SHTN1: variants seen among roughly 807,000 people sequenced by gnomAD.
The protein encoded by SHTN1 is shootin-1.
In SHTN1, 42 loss-of-function variants were observed where a neutral mutation model predicts 83.1. The observed-to-expected ratio is 0.51, with a 90% CI of 0.39 to 0.65. SHTN1 has a LOEUF of 0.65. Ranked by LOEUF, SHTN1 falls within the 30% of genes least tolerant of loss-of-function variation. The pLI, the probability that SHTN1 is intolerant of heterozygous loss-of-function variation, is 0.00. For missense variants in SHTN1, 622 were observed against 737.8 expected, an observed-to-expected ratio of 0.84 and a Z score of 1.82; for synonymous variants, 224 against 247.7, an observed-to-expected ratio of 0.90 and a Z score of 0.90.
intron 11 of SHTN1, among the ~76,000 whole-genome samples, chr10:116,925,799 A>T (rs1477136011): frequency 6.6e-6 from 1 of 152,150 alleles, no homozygotes; most frequent in Non-Finnish European, 1.5e-5. Context: ...GAGTGGGAAG[A>T]GAAGGGAAAA....
intron 12 of SHTN1, among the ~76,000 whole-genome samples, chr10:116,920,054 C>T (rs1337224681): frequency 6.6e-6 from 1 of 152,194 alleles, no homozygotes; most frequent in Non-Finnish European, 1.5e-5. Context: ...TCAAACACCA[C>T]AGCCAGAGTA....
At chr10:117,083,102 C>T (rs1013743029) in intron 1 of SHTN1, among the ~76,000 whole-genome samples, 1 of 150,298 alleles carries the variant, frequency 6.7e-6, no homozygotes, top group Non-Finnish European at 1.5e-5. Context: ...TTATTTTGCT[C>T]GTTAGTTGAT....
chr10:116,930,012 AT>A lies in SHTN1; in HGVS notation c.859-11del. On this transcript the variant is annotated splice_polypyrimidine_tract_variant and intron_variant, in intron 9 of 16. Transcript: ENST00000355371. ...CTTCTAATTCTTTGACCTATAAGTT[AT>A]TTAAAAAAAAAAGACTTTTATGGCT... 2 of 1,508,556 alleles carry A rather than the reference AT, an allele frequency of 1.3e-6. No homozygotes were observed. The highest frequency in any genetic ancestry group is 1.8e-6 in the Non-Finnish European group (2 of 1,128,336). The allele number at this position is 1,508,556 out of a possible 1,614,324, so 93.4% of individuals were successfully genotyped here. A position where few individuals can be genotyped will look rare whatever the true frequency, so the allele number is the denominator to read the frequency against.
chr10:116,941,546 G>C (rs770105165), intron 8 of SHTN1, among the ~76,000 whole-genome samples: 6 of 152,182 alleles, frequency 3.9e-5, no homozygotes, highest in Non-Finnish European at 8.8e-5. Flanking sequence ...TTTTATAATA[G>C]AGCTTCACCT....
At chr10:116,942,998 T>C (rs1849440408) in intron 8 of SHTN1, among the ~76,000 whole-genome samples, 1 of 152,246 alleles carries the variant, frequency 6.6e-6, no homozygotes, top group South Asian at 2.1e-4. Context: ...AATATACTAG[T>C]TCCAACGTGG....
At chr10:117,095,692 T>C (rs1853494105) in intron 1 of SHTN1, among the ~76,000 whole-genome samples, 1 of 152,236 alleles carries the variant, frequency 6.6e-6, no homozygotes, top group African/African-American at 2.4e-5. Context: ...TTCATTTTTT[T>C]CCTTACATTT....
rs1589768589 is a variant in SHTN1, at chr10:116,881,627, A to G, written c.*4717T>C. 6.5e-7 allele frequency: 1 copy of G among 1,549,592 alleles called. No individual in the cohort carries two copies. Among genetic ancestry groups the G allele is most frequent in the Non-Finnish European group, 8.7e-7 (1 of 1,146,532 alleles). Reference sequence around the variant, plus strand: ...CGCTGGTGCCCACCTTCCCCACACAAGGTGTAGAGGAATCAGCCGAAACAG... The same window carrying G: ...CGCTGGTGCCCACCTTCCCCACACAGGGTGTAGAGGAATCAGCCGAAACAG... On this transcript the variant is annotated 3_prime_UTR_variant, in exon 17 of 17. Coordinates refer to ENST00000355371, the MANE Select transcript of SHTN1 (RefSeq NM_001127211.3).
At chr10:117,061,151 C>CT (rs1261265582) in intron 1 of SHTN1, among the ~76,000 whole-genome samples, 2,521 of 101,074 alleles carry the variant, frequency 0.025, 73 homozygotes, top group African/African-American at 0.081. Flanking sequence ...TTTTTTTTTT[C>CT]TTTTTTTTTT....
intron 2 of SHTN1, among the ~76,000 whole-genome samples, chr10:117,012,301 AATAG>A (rs963186415): frequency 7.2e-5 from 11 of 152,134 alleles, no homozygotes; most frequent in Admixed American, 7.2e-4. Context: ...CAAAAACTAG[AATAG>A]CCAAAACAAT....
rs772929190 is a variant in SHTN1, at chr10:116,948,974, C to A, written c.558G>T (p.Lys186Asn). 1.6e-5 allele frequency: 25 copies of A among 1,565,566 alleles called. No homozygotes were observed. The highest frequency in any genetic ancestry group is 2.2e-5 in the Non-Finnish European group (25 of 1,156,554). ...IEEVNKVKQEKTVLNSEVLEQ... is the reference protein window; with the variant it reads ...IEEVNKVKQENTVLNSEVLEQ... ...CAAGAACTTCTGAATTTAAAACAGT[C>A]TTTTCTTGTTTAACTTTATTTACCT... Residue 186 changes from lysine to asparagine, a missense_variant, in exon 7 of 17, where the codon AAG becomes AAT. By Grantham distance (94) the Lys-to-Asn change is moderately conservative (BLOSUM62 0). Coordinates refer to ENST00000355371, the MANE Select transcript of SHTN1 (RefSeq NM_001127211.3).
intron 2 of SHTN1, among the ~76,000 whole-genome samples, chr10:117,045,279 AGT>A (rs1852645107): frequency 6.6e-6 from 1 of 152,198 alleles, no homozygotes; most frequent in Non-Finnish European, 1.5e-5. Flanking sequence ...AATAAGCAAA[AGT>A]GTGCAACAAT....
intron 2 of SHTN1, among the ~76,000 whole-genome samples, chr10:117,029,995 TCTC>T (rs1234294688): frequency 6.6e-6 from 1 of 151,628 alleles, no homozygotes; most frequent in Non-Finnish European, 1.5e-5. Flanking sequence ...TTCAAGCTAT[TCTC>T]CTGTCTCAGC....
intron 16 of SHTN1, among the ~76,000 whole-genome samples, chr10:116,897,107 T>C (rs1331960254): frequency 1.3e-5 from 2 of 152,162 alleles, no homozygotes; most frequent in African/African-American, 4.8e-5. Flanking sequence ...TAAGCCACCA[T>C]GCCTGGCCTG....
intron 2 of SHTN1, among the ~76,000 whole-genome samples, chr10:117,020,324 TAATAAAA>T (rs1404540188): frequency 2.0e-5 from 3 of 149,734 alleles, no homozygotes; most frequent in Admixed American, 1.3e-4. Context: ...ACCCTGTCTC[TAATAAAA>T]ATTAAAAAAA....
At position 117,053,024 on chromosome 10, in the gene SHTN1, A is replaced by AAAAAAAAAAAAAAAAAAAAAAAAAAAG. The variant is rs1554934278; in HGVS notation, c.-188-4515_-188-4514insCTTTTTTTTTTTTTTTTTTTTTTTTTT. On this transcript the variant is annotated intron_variant, in intron 1 of 17. Transcript: ENST00000392901. ...AACAGAGCAAGACTGTGTCTCAAAA[A>AAAAAAAAAAAAAAAAAAAAAAAAAAAG]AAAAAAGAATTAAGAATTAAGTTGG... 4.7e-3 allele frequency among the ~76,000 whole-genome samples: 243 copies of AAAAAAAAAAAAAAAAAAAAAAAAAAAG among 51,336 alleles called. 77 individuals carry two copies. The highest frequency in any genetic ancestry group is 0.015 in the South Asian group (11 of 722). The allele number at this position is 51,336 out of a possible 152,430, so 33.7% of individuals were successfully genotyped here.
chr10:116,982,185 C>T (rs1851046582), intron 1 of SHTN1, among the ~76,000 whole-genome samples: 1 of 152,190 alleles, frequency 6.6e-6, no homozygotes, highest in African/African-American at 2.4e-5. Flanking sequence ...TTCCATTATA[C>T]TGACAATAGA....
intron 1 of SHTN1, among the ~76,000 whole-genome samples, chr10:117,099,279 T>C (rs975663762): frequency 6.6e-6 from 1 of 152,030 alleles, no homozygotes; most frequent in South Asian, 2.1e-4. Flanking sequence ...TTGGGTACAG[T>C]GTACACTGCT....
At chr10:117,001,553 C>T (rs947602208) in intron 1 of SHTN1, among the ~76,000 whole-genome samples, 1 of 152,108 alleles carries the variant, frequency 6.6e-6, no homozygotes, top group African/African-American at 2.4e-5. Flanking sequence ...GAACACTCTC[C>T]TGGGGAACTG....
chr10:117,002,115 G>A (rs1244042520), intron 1 of SHTN1, among the ~76,000 whole-genome samples: 1 of 152,208 alleles, frequency 6.6e-6, no homozygotes, highest in Non-Finnish European at 1.5e-5. Context: ...AAGGATATCT[G>A]AACTGGTATA....
Sources: allele counts gnomAD v4.1 joint callset (sites outside exome capture counted in the v4.1 genomes callset), GRCh38; gene constraint gnomAD v4.1.1; transcripts MANE v1.5; gene names NCBI Gene and HGNC (gene_info 2026-07-23, HGNC 2026-07-21).